Variants in YIPF2 observed in about 807,000 individuals in gnomAD.
YIPF2 encodes protein YIPF2.
YIPF2 carries 30 observed loss-of-function variants against 38.8 expected under a neutral mutation model. The ratio of observed to expected loss-of-function variants is 0.77; its 90% CI spans 0.58 to 1.05. YIPF2 has a LOEUF of 1.05. Among genes scored for constraint, YIPF2 ranks in the 50% least tolerant of loss-of-function variants. The pLI is 0.00. For synonymous variants in YIPF2, 194 were observed against 183.8 expected, an observed-to-expected ratio of 1.06 and a Z score of -0.45; for missense variants, 401 against 409.7, an observed-to-expected ratio of 0.98 and a Z score of 0.18.
Position 10,927,858 on chromosome 19 carries a change from C to T in YIPF2, c.133G>A (p.Gly45Ser). 1.9e-6 allele frequency: 3 copies of T among 1,611,404 alleles called. No individual in the cohort carries two copies. Among genetic ancestry groups the T allele is most frequent in the Non-Finnish European group, 2.5e-6 (3 of 1,178,086 alleles). The stretch of plus-strand genomic sequence containing the variant: ...TCGGCTCCATAGCTGCCACCTGAGC[C>T]CACGGCCACAGCCACGTGCCCTTGT... ...TPQGHVAVAV[G>S]SGGSYGAEDE... Residue 45 changes from glycine to serine, a missense_variant, in exon 3 of 10, where the codon GGC (glycine) becomes AGC (serine). By Grantham distance (56) the Gly-to-Ser change is moderately conservative. Transcript: ENST00000586748.
chr19:10,923,741 G>C, intron 7 of YIPF2, 64 bp from the exon 8 acceptor site: 1 of 1,579,554 alleles, frequency 6.3e-7, no homozygotes, highest in Non-Finnish European at 8.6e-7. Context: ...CTCTGCACCA[G>C]GCCACCCTCA....
chr19:10,928,163 T>C (rs1434032240), intron 2 of YIPF2, among the ~76,000 whole-genome samples: 1 of 146,860 alleles, frequency 6.8e-6, no homozygotes, highest in Admixed American at 7.0e-5. Flanking sequence ...AACTTAGGGT[T>C]GACGCTGGGA....
Position 10,927,633 on chromosome 19 carries a change from T to C in YIPF2, c.276A>G (p.Ser92=), listed in dbSNP as rs2083447262. The C allele has an allele frequency of 4.3e-6, 7 of 1,613,652 alleles. No individual in the cohort carries two copies. Among genetic ancestry groups the C allele is most frequent in the South Asian group, 1.1e-5 (1 of 91,078 alleles). ...CCACCTGCCTCCCCAGCCTGACCTGTGAGGTGTCCACGTCAAAGAAGCTCT... is the reference window on the plus strand; with the variant it reads ...CCACCTGCCTCCCCAGCCTGACCTGCGAGGTGTCCACGTCAAAGAAGCTCT... ...YYQSFFDVDT[S]QVLDRIKGSL... is the part of the protein sequence containing the mutation. Residue 92 remains serine, a synonymous_variant, in exon 4 of 10, where the codon TCA becomes TCG. Transcript: ENST00000586748.
chr19:10,927,654 G>A lies in YIPF2; in HGVS notation c.255C>T (p.Ser85=), dbSNP rs1447293508. 4 of 1,613,860 alleles carry A rather than the reference G, an allele frequency of 2.5e-6. No individual in the cohort carries two copies. The East Asian group carries it at 6.7e-5, about 27-fold the overall frequency. The change falls in exon 4 of 10, where the codon AGC becomes AGT. Residue 85 remains serine, a synonymous_variant. Transcript: ENST00000586748. ...CCTGTGAGGTGTCCACGTCAAAGAA[G>A]CTCTGATAGTAGCTGAAGGTCCAGA... ...PGFWTFSYYQ[S]FFDVDTSQVL... is the part of the protein sequence containing the mutation.
chr19:10,923,495 C>A lies in YIPF2; in HGVS notation c.834G>T (p.Lys278Asn), dbSNP rs1388382084. ...ACCTGTGGCCACCCCAGACCCGTAC[C>A]TTACAGCCCATGGCCAGGAGGGCGT... The part of the protein sequence containing the change: ...LLHALLAMGC[K>N]LYFFQSLPPE... Residue 278 changes from lysine (K) to asparagine (N), a missense_variant and splice_region_variant, in exon 8 of 10, where the codon AAG becomes AAT. Transcript: ENST00000586748. The A allele has an allele frequency of 6.2e-7, 1 of 1,612,990 alleles. No homozygotes were observed. The highest frequency in any genetic ancestry group is 8.5e-7 in the Non-Finnish European group (1 of 1,179,716).
Position 10,923,888 on chromosome 19 carries a change from A to G in YIPF2, c.596T>C (p.Phe199Ser). Reference sequence around the variant, plus strand: ...GCCGTAGATGCACACAGTCTCCAGGAAGGTGTAGGGCCCCATGCGCTCCTG... The same window carrying G: ...GCCGTAGATGCACACAGTCTCCAGGGAGGTGTAGGGCCCCATGCGCTCCTG... ...GVQERMGPYT[F>S]LETVCIYGYS... The change falls in exon 7 of 10, where the codon TTC becomes TCC. Residue 199 changes from phenylalanine to serine, a missense_variant. Physicochemically the swap from Phe to Ser is radical, Grantham distance 155. Transcript: ENST00000586748. The G allele has an allele frequency of 3.1e-6, 5 of 1,613,372 alleles. No individual in the cohort carries two copies. The highest frequency in any genetic ancestry group is 4.2e-6 in the Non-Finnish European group (5 of 1,179,710).
Position 10,924,318 on chromosome 19 carries a change from A to G in YIPF2, c.368-126T>C, listed in dbSNP as rs1429839545. On this transcript the variant is annotated intron_variant, in intron 5 of 9. Coordinates refer to ENST00000586748, the MANE Select transcript of YIPF2 (RefSeq NM_001321439.2). ...AGCACCTTGCCTGACTCACCAGGAC[A>G]CCGGGGGCCTCCTGGTGGCTGAGCC... The G allele has an allele frequency of 5.0e-6, 4 of 804,076 alleles. No homozygotes were observed. In the African/African-American group the frequency reaches 5.2e-5, roughly 10 times the overall value. The allele number at this position is 804,076 out of a possible 1,614,324, so 49.8% of individuals were successfully genotyped here.
intron 1 of YIPF2, 25 bp downstream of exon 1, chr19:10,928,486 C>T: frequency 7.4e-7 from 1 of 1,345,884 alleles, no homozygotes; most frequent in Non-Finnish European, 9.6e-7. Flanking sequence ...CGCCCCCGAG[C>T]CGGTCCCTCG....
chr19:10,924,846 C>T (rs950028445), intron 5 of YIPF2, among the ~76,000 whole-genome samples: 7 of 151,588 alleles, frequency 4.6e-5, no homozygotes, highest in Admixed American at 3.3e-4. Context: ...TCTCCACATC[C>T]ACAGTCCCCA....
intron 5 of YIPF2, among the ~76,000 whole-genome samples, chr19:10,925,243 A>AG (rs2083404908): frequency 6.6e-6 from 1 of 151,894 alleles, no homozygotes; most frequent in Non-Finnish European, 1.5e-5. Flanking sequence ...AAAAAAAAAA[A>AG]AAAAGATCTC....
chr19:10,923,498 ACAGCC>A lies in YIPF2; in HGVS notation c.826_830del (p.Gly276Ter), dbSNP rs766104127. The A allele has an allele frequency of 6.2e-7, 1 of 1,612,884 alleles. No homozygotes were observed. The highest frequency in any genetic ancestry group is 8.5e-7 in the Non-Finnish European group (1 of 1,179,686). On this transcript the variant is annotated frameshift_variant, in exon 8 of 10. Transcript: ENST00000586748. LOFTEE classifies it high-confidence loss of function. ...TGTGGCCACCCCAGACCCGTACCTT[ACAGCC>A]CATGGCCAGGAGGGCGTGGAGCAGC...
rs760660915 is a variant in YIPF2, at chr19:10,923,489, C to A, written c.834+6G>T. 6.2e-7 allele frequency: 1 copy of A among 1,612,888 alleles called. No homozygotes were observed. The highest frequency in any genetic ancestry group is 8.5e-7 in the Non-Finnish European group (1 of 1,179,738). The stretch of plus-strand genomic sequence containing the variant: ...GGCCCCACCTGTGGCCACCCCAGAC[C>A]CGTACCTTACAGCCCATGGCCAGGA... On this transcript the variant is annotated splice_donor_region_variant and intron_variant, in intron 8 of 9. Coordinates refer to ENST00000586748, the MANE Select transcript of YIPF2 (RefSeq NM_001321439.2).
At chr19:10,926,973 G>A (rs1250160129) in intron 4 of YIPF2, among the ~76,000 whole-genome samples, 1 of 152,020 alleles carries the variant, frequency 6.6e-6, no homozygotes, top group East Asian at 1.9e-4. Flanking sequence ...GGATTCAAGC[G>A]ATTCTCCTGC....
intron 7 of YIPF2, 36 bp from the exon 8 acceptor site, chr19:10,923,713 C>T (rs993813214): frequency 1.3e-6 from 2 of 1,582,192 alleles, no homozygotes; most frequent in Non-Finnish European, 1.7e-6. Context: ...CCATGCCAGT[C>T]CCCCCAGCCA....
chr19:10,928,297 T>C, intron 2 of YIPF2, 83 bp downstream of exon 2: 1 of 1,308,728 alleles, frequency 7.6e-7, no homozygotes, highest in South Asian at 2.5e-5. Flanking sequence ...GGCTTCGGGG[T>C]AGAGAAATTG....
At position 10,922,284 on chromosome 19, in the gene YIPF2, C is replaced by T. The variant is rs1568359395; in HGVS notation, c.*910G>A. 6.5e-6 allele frequency: 1 copy of T among 152,734 alleles called. No individual in the cohort carries two copies. Among genetic ancestry groups the T allele is most frequent in the East Asian group, 1.9e-4 (1 of 5,186 alleles). The allele number at this position is 152,734 out of a possible 1,614,324, so 9.5% of individuals were successfully genotyped here. A position where few individuals can be genotyped will look rare whatever the true frequency, so the allele number is the denominator to read the frequency against. ...AGGCCGGCCGGGCCGAGCCAGCAGC[C>T]CCTCTCCCTAGACTCAGAGGCGCCG... On this transcript the variant is annotated 3_prime_UTR_variant, in exon 10 of 10. Coordinates refer to ENST00000586748, the MANE Select transcript of YIPF2 (RefSeq NM_001321439.2).
At position 10,928,591 on chromosome 19, in the gene YIPF2, C is replaced by G. The variant is rs748759048; in HGVS notation, c.-111G>C. 1.3e-5 allele frequency: 13 copies of G among 965,372 alleles called. No individual in the cohort carries two copies. The highest frequency in any genetic ancestry group is 1.7e-5 in the Non-Finnish European group (12 of 697,662). 59.8% of individuals were successfully genotyped at this position (965,372 alleles called of 1,614,324 possible). ...GCGCTCCGCCCCCCCTCACCTGAGG[C>G]CACCTGGGCCGGCGTGGCTGGGGCT... is the stretch of plus-strand genomic sequence containing the variant. On this transcript the variant is annotated 5_prime_UTR_variant, in exon 1 of 10. Transcript: ENST00000586748.
At position 10,923,521 on chromosome 19, in the gene YIPF2, G is replaced by T. The variant is rs757433600; in HGVS notation, c.808C>A (p.His270Asn). Residue 270 changes from histidine (H) to asparagine (N), a missense_variant, in exon 8 of 10, where the codon CAC (histidine) becomes AAC (asparagine). Transcript: ENST00000586748. ...TTACAGCCCATGGCCAGGAGGGCGT[G>T]GAGCAGCACGACCACGGACAGCAGC... ...TVLLSVVVLL[H>N]ALLAMGCKLY... 6.2e-7 allele frequency: 1 copy of T among 1,612,406 alleles called. No homozygotes were observed. The highest frequency in any genetic ancestry group is 1.3e-5 in the African/African-American group (1 of 74,914).
intron 5 of YIPF2, 100 bp downstream of exon 5, chr19:10,925,584 GTC>G: frequency 1.4e-6 from 2 of 1,383,860 alleles, no homozygotes. Context: ...AAGTCACACT[GTC>G]TGAGTGACTG....
Sources: allele counts gnomAD v4.1 joint callset (sites outside exome capture counted in the v4.1 genomes callset), GRCh38; gene constraint gnomAD v4.1.1; transcripts MANE v1.5; gene names NCBI Gene and HGNC (gene_info 2026-07-23, HGNC 2026-07-21).